Variants in ELP2 observed in about 807,000 individuals in gnomAD.
ELP2 encodes elongator complex protein 2.
ELP2 carries 90 observed loss-of-function variants against 119.2 expected under a neutral mutation model. That is an observed-to-expected ratio of 0.75 (90% CI 0.64 to 0.90). The LOEUF (loss-of-function observed/expected upper bound fraction) is 0.90. Among genes scored for constraint, ELP2 ranks in the 40% least tolerant of loss-of-function variants. The pLI is 0.00. For missense variants in ELP2, 921 were observed against 967.8 expected, an observed-to-expected ratio of 0.95 and a Z score of 0.64; for synonymous variants, 339 against 331.0, an observed-to-expected ratio of 1.02 and a Z score of -0.26.
chr18:36,171,562 A>G (rs749792720), intron 21 of ELP2, among the ~76,000 whole-genome samples: 2 of 152,180 alleles, frequency 1.3e-5, no homozygotes, highest in Non-Finnish European at 2.9e-5. Flanking sequence ...AAAAGATCCT[A>G]TAGTGGAGCT....
rs2091221034 is a variant in ELP2, at chr18:36,176,284, G to A, written c.*1643G>A. The A allele has an allele frequency of 6.6e-6, 1 of 152,300 alleles. No homozygotes were observed. Among genetic ancestry groups the A allele is most frequent in the South Asian group, 2.1e-4 (1 of 4,828 alleles). The allele number at this position is 152,300 out of a possible 1,614,324, so 9.4% of individuals were successfully genotyped here. On this transcript the variant is annotated 3_prime_UTR_variant, in exon 22 of 22. Coordinates refer to ENST00000358232, the MANE Select transcript of ELP2 (RefSeq NM_018255.4). ...GTATACTCTTGTGCCGTCAGCTGGG[G>A]GGTGGGGTGTGTGTGCGTGTATACC...
At chr18:36,138,952 T>C in intron 5 of ELP2, 80 bp downstream of exon 5, 1 of 1,059,824 alleles carries the variant, frequency 9.4e-7, no homozygotes, top group South Asian at 1.3e-5. Flanking sequence ...AAGAAATGTA[T>C]TGGGTCTTAA....
intron 3 of ELP2, chr18:36,137,138 G>T (rs2089855776): frequency 6.6e-6 from 1 of 152,136 alleles, no homozygotes; most frequent in Non-Finnish European, 1.5e-5. Context: ...GTATAATTAT[G>T]CATAATAGAG....
chr18:36,144,149 T>C (rs1015755126), intron 8 of ELP2, among the ~76,000 whole-genome samples: 1 of 152,174 alleles, frequency 6.6e-6, no homozygotes, highest in African/African-American at 2.4e-5. Context: ...GTTGAGATTT[T>C]GGTAACAGTT....
Position 36,179,311 on chromosome 18 carries a change from A to T in ELP2, c.*4670A>T, listed in dbSNP as rs1469698643. On this transcript the variant is annotated 3_prime_UTR_variant, in exon 22 of 22. Coordinates refer to ENST00000358232, the MANE Select transcript of ELP2 (RefSeq NM_018255.4). ...ACCCCATCTCTACTAAAAATACAAAAAAAAAAAAAAAATTAGTCGGGCATG... is the reference window on the plus strand; with the variant it reads ...ACCCCATCTCTACTAAAAATACAAATAAAAAAAAAAAATTAGTCGGGCATG... The T allele has an allele frequency of 6.7e-6, 1 of 149,370 alleles. No individual in the cohort carries two copies. Among genetic ancestry groups the T allele is most frequent in the Non-Finnish European group, 1.5e-5 (1 of 67,160 alleles). The allele number at this position is 149,370 out of a possible 1,614,324, so 9.3% of individuals were successfully genotyped here.
chr18:36,131,428 C>T (rs1230403778), intron 1 of ELP2, among the ~76,000 whole-genome samples: 1 of 152,248 alleles, frequency 6.6e-6, no homozygotes, highest in Non-Finnish European at 1.5e-5. Context: ...CATCCAGCGC[C>T]GTGAGCGCGG....
chr18:36,169,881 C>G (rs1438552741), intron 19 of ELP2, 182 bp from the exon 20 acceptor site: 1 of 736,564 alleles, frequency 1.4e-6, no homozygotes, highest in Non-Finnish European at 2.3e-6. Context: ...TCTGCTGTAC[C>G]GTGCCTTCTT....
rs180920983 is a variant in ELP2, at chr18:36,146,244, G to T, written c.994-6G>T. ...TAAGAATTGTTTTCTGTCTGTTATT[G>T]TACAGGTTCGAGTAGGTGAAGTAGG... On this transcript the variant is annotated splice_region_variant and splice_polypyrimidine_tract_variant and intron_variant, in intron 10 of 21. Transcript: ENST00000358232. 184 of 1,614,036 alleles carry T rather than the reference G, an allele frequency of 1.1e-4. No individual in the cohort carries two copies. Among genetic ancestry groups the T allele is most frequent in the Non-Finnish European group, 1.1e-5 (13 of 1,179,944 alleles).
Position 36,174,841 on chromosome 18 carries a change from C to A in ELP2, c.*200C>A. On this transcript the variant is annotated 3_prime_UTR_variant, in exon 22 of 22. Coordinates refer to ENST00000358232, the MANE Select transcript of ELP2 (RefSeq NM_018255.4). Reference sequence around the variant, plus strand: ...CCTCCTGAGTAGCTGGGACTAGAGGCACACCACCAATTCCGGCTAATTTTT... The same window carrying A: ...CCTCCTGAGTAGCTGGGACTAGAGGAACACCACCAATTCCGGCTAATTTTT... The A allele has an allele frequency of 1.8e-6, 1 of 555,382 alleles. No individual in the cohort carries two copies. The highest frequency in any genetic ancestry group is 2.1e-5 in the South Asian group (1 of 47,046). The allele number at this position is 555,382 out of a possible 1,614,324, so 34.4% of individuals were successfully genotyped here.
At chr18:36,155,387 C>T (rs980979355) in intron 12 of ELP2, among the ~76,000 whole-genome samples, 37 of 151,906 alleles carry the variant, frequency 2.4e-4, no homozygotes, top group South Asian at 4.2e-4. Flanking sequence ...AGGGCAGCCA[C>T]GCTAGCCATT....
intron 17 of ELP2, among the ~76,000 whole-genome samples, chr18:36,163,290 G>GTGTGTGTGTGTGTGTT (rs2090797559): frequency 1.3e-5 from 2 of 151,864 alleles, no homozygotes; most frequent in Admixed American, 6.6e-5. Context: ...GTGTGTGTGT[G>GTGTGTGTGTGTGTGTT]TGTGTGTGTA....
Position 36,159,738 on chromosome 18 carries a change from A to C in ELP2, c.1538A>C (p.Asp513Ala). ...GLSNKAVFQG[D>A]IASQPSDEEE... ...TTGATGTGTTTCTTCAAACTAGGAG[A>C]TATAGCTTCTCAGCCTTCTGATGAA... The change falls in exon 15 of 22, where the codon GAT becomes GCT. Residue 513 changes from aspartate (D) to alanine (A), a missense_variant. Coordinates refer to ENST00000358232, the MANE Select transcript of ELP2 (RefSeq NM_018255.4). 6.2e-7 allele frequency: 1 copy of C among 1,611,540 alleles called. No homozygotes were observed. Among genetic ancestry groups the C allele is most frequent in the East Asian group, 2.2e-5 (1 of 44,860 alleles).
At chr18:36,131,924 G>A (rs138380488) in intron 1 of ELP2, among the ~76,000 whole-genome samples, 3 of 145,226 alleles carry the variant, frequency 2.1e-5, no homozygotes, top group African/African-American at 7.6e-5. Context: ...ATATTTGCTG[G>A]TCGGGCTTTT....
In ELP2 at chr18:36,131,612, A is replaced by C. The variant is rs74534794; in HGVS notation, c.138+1541A>C. ...AGCAAGGCACACTCTTTGCCAGTCA[A>C]CCCACGGTCCTGAGATGTTTACGGC... On this transcript the variant is annotated intron_variant, in intron 1 of 21. Coordinates refer to ENST00000358232, the MANE Select transcript of ELP2 (RefSeq NM_018255.4). Among the ~76,000 whole-genome samples, 43 of 152,350 alleles carry C rather than the reference A, an allele frequency of 2.8e-4. No individual in the cohort carries two copies. In the East Asian group the frequency reaches 7.9e-3, roughly 28 times the overall value.
intron 11 of ELP2, among the ~76,000 whole-genome samples, chr18:36,149,478 G>GTTTTTTTTT (rs1239631733): frequency 0.017 from 1,080 of 64,028 alleles, 44 homozygotes; most frequent in Middle Eastern, 0.053. Context: ...AGGGTTTTTT[G>GTTTTTTTTT]TTTTGTTTTG....
At chr18:36,149,423 G>T (rs754407688) in intron 11 of ELP2, among the ~76,000 whole-genome samples, 2 of 149,722 alleles carry the variant, frequency 1.3e-5, no homozygotes, top group Non-Finnish European at 1.5e-5. Context: ...ACCCATTCCC[G>T]TCATGCCTTA....
At chr18:36,133,739 T>A (rs949150725) in intron 2 of ELP2, among the ~76,000 whole-genome samples, 1 of 63,138 alleles carries the variant, frequency 1.6e-5, no homozygotes, top group South Asian at 3.5e-4. Flanking sequence ...TTTATTTATT[T>A]TTTTTTTGCC....
chr18:36,157,810 C>A (rs766592647), intron 13 of ELP2, among the ~76,000 whole-genome samples: 4 of 152,086 alleles, frequency 2.6e-5, no homozygotes, highest in Non-Finnish European at 5.9e-5. Context: ...GGAACAAGAT[C>A]AAAAGGGAAG....
intron 18 of ELP2, 72 bp downstream of exon 18, chr18:36,164,739 T>G: frequency 2.8e-6 from 4 of 1,425,112 alleles, no homozygotes; most frequent in Non-Finnish European, 3.9e-6. Context: ...TAAGCAGCTT[T>G]AGTTAAGAGA....
Sources: allele counts gnomAD v4.1 joint callset (sites outside exome capture counted in the v4.1 genomes callset), GRCh38; gene constraint gnomAD v4.1.1; transcripts MANE v1.5; gene names NCBI Gene and HGNC (gene_info 2026-07-23, HGNC 2026-07-21).